ARFGEF1: variants seen among roughly 807,000 people sequenced by gnomAD.
The protein encoded by ARFGEF1 is ARF guanine nucleotide exchange factor 1, also known as brefeldin A-inhibited guanine nucleotide-exchange protein 1.
ARFGEF1 carries 42 observed loss-of-function variants against 231.0 expected under a neutral mutation model. The observed-to-expected ratio is 0.18, with a 90% CI of 0.14 to 0.24. The LOEUF is 0.24. ARFGEF1 is among the 10% of genes least tolerant of loss of function. The probability of loss-of-function intolerance (pLI) is 1.00; values close to 1 mark genes in which losing one functional copy is unlikely to be tolerated. For synonymous variants in ARFGEF1, 710 were observed against 732.3 expected, an observed-to-expected ratio of 0.97 and a Z score of 0.49; for missense variants, 1,345 against 2,192.0, an observed-to-expected ratio of 0.61 and a Z score of 7.72.
intron 18 of ARFGEF1, among the ~76,000 whole-genome samples, chr8:67,252,552 CTGT>C (rs1416594193): frequency 6.6e-6 from 1 of 152,116 alleles, no homozygotes; most frequent in Non-Finnish European, 1.5e-5. Context: ...CTACTGTACT[CTGT>C]TTAAACTTGA....
At chr8:67,310,732 G>T (rs1377783956) in intron 1 of ARFGEF1, among the ~76,000 whole-genome samples, 1 of 151,288 alleles carries the variant, frequency 6.6e-6, no homozygotes, top group Non-Finnish European at 1.5e-5. Flanking sequence ...TGTGAGGAGC[G>T]CCTCTGCCCG....
intron 27 of ARFGEF1, 46 bp downstream of exon 27, chr8:67,227,091 C>CT (rs375978872): frequency 0.028 from 28,976 of 1,048,224 alleles, 33 homozygotes; most frequent in African/African-American, 0.043. Context: ...GTTAAGGTTG[C>CT]TTTTTTTTTT....
At chr8:67,326,353 A>C (rs776752271) in intron 1 of ARFGEF1, among the ~76,000 whole-genome samples, 7 of 152,242 alleles carry the variant, frequency 4.6e-5, no homozygotes, top group Non-Finnish European at 7.3e-5. Context: ...ATGTAAACCG[A>C]AGTATCTGCA....
chr8:67,324,044 G>A (rs1056210207), intron 1 of ARFGEF1, among the ~76,000 whole-genome samples: 2 of 152,002 alleles, frequency 1.3e-5, no homozygotes, highest in East Asian at 1.9e-4. Context: ...CTTGTGAACC[G>A]CCCGCCTCGG....
rs1297199739 is a variant in ARFGEF1 at position 67,219,476 on chromosome 8, A to T, written c.4293T>A (p.Val1431=). ...ATTTCATATTGTCAAAGATTCTGAA[A>T]ACAATTCTAAATAAATCCTGCCACC... ...KHWWQDLFRI[V]FRIFDNMKLP... The change falls in exon 30 of 39, where the codon GTT becomes GTA. Residue 1431 remains valine, a synonymous_variant. Coordinates refer to ENST00000262215, the MANE Select transcript of ARFGEF1 (RefSeq NM_006421.5). The T allele has an allele frequency of 6.2e-7, 1 of 1,612,302 alleles. No individual in the cohort carries two copies. Among genetic ancestry groups the T allele is most frequent in the Non-Finnish European group, 8.5e-7 (1 of 1,179,278 alleles).
chr8:67,326,449 T>C lies in ARFGEF1; in HGVS notation c.124+16715A>G, dbSNP rs140456452. Among the ~76,000 whole-genome samples, 727 of 152,342 alleles carry C rather than the reference T, an allele frequency of 4.8e-3. 2 individuals carry two copies. Among genetic ancestry groups the C allele is most frequent in the Middle Eastern group, 0.024 (7 of 294 alleles). ...TTGAATTAGCTTTCCATACCTTTTC[T>C]GGATGTGTTGAGAAGGCCTAAATGG... On this transcript the variant is annotated intron_variant, in intron 1 of 38. Transcript: ENST00000262215.
intron 19 of ARFGEF1, among the ~76,000 whole-genome samples, chr8:67,246,979 A>C (rs1169703846): frequency 6.7e-6 from 1 of 150,210 alleles, no homozygotes; most frequent in Admixed American, 6.7e-5. Context: ...ACATGCCGGT[A>C]AACTGGAAAA....
intron 1 of ARFGEF1, among the ~76,000 whole-genome samples, chr8:67,317,608 T>TAAAA (rs1563912337): frequency 1.5e-5 from 2 of 134,888 alleles, no homozygotes; most frequent in African/African-American, 2.7e-5. Flanking sequence ...GAACTAATAT[T>TAAAA]TAAAAAAAAA....
chr8:67,252,191 G>C (rs1483875606), intron 18 of ARFGEF1, among the ~76,000 whole-genome samples: 1 of 145,652 alleles, frequency 6.9e-6, no homozygotes, highest in Non-Finnish European at 1.5e-5. Context: ...AGAATTGCTT[G>C]AACCCAGGAG....
At chr8:67,275,465 G>A (rs1805274467) in intron 9 of ARFGEF1, among the ~76,000 whole-genome samples, 1 of 152,080 alleles carries the variant, frequency 6.6e-6, no homozygotes, top group African/African-American at 2.4e-5. Context: ...CATTTTGTCA[G>A]ACCTTAATGA....
chr8:67,277,613 A>G (rs985205362), intron 7 of ARFGEF1, among the ~76,000 whole-genome samples, 156 bp from the exon 8 acceptor site: 7 of 152,226 alleles, frequency 4.6e-5, no homozygotes, highest in African/African-American at 1.4e-4. Context: ...TTACTACTAA[A>G]TAAGTATGCA....
intron 5 of ARFGEF1, among the ~76,000 whole-genome samples, chr8:67,181,077 G>A (rs768857572): frequency 5.3e-5 from 8 of 151,204 alleles, no homozygotes; most frequent in South Asian, 2.1e-4. Flanking sequence ...TTGCTCTGTC[G>A]CCCAGGCTGG....
intron 20 of ARFGEF1, 56 bp from the exon 21 acceptor site, chr8:67,238,949 T>C: frequency 7.4e-7 from 1 of 1,355,762 alleles, no homozygotes; most frequent in African/African-American, 1.4e-5. Context: ...GACTGATTAA[T>C]TCCCCACCAA....
At chr8:67,327,722 G>T (rs959754158) in intron 1 of ARFGEF1, among the ~76,000 whole-genome samples, 1 of 152,114 alleles carries the variant, frequency 6.6e-6, no homozygotes, top group Non-Finnish European at 1.5e-5. Context: ...AAATTTCCTT[G>T]TATTTGCAAC....
chr8:67,267,178 T>G lies in ARFGEF1; in HGVS notation c.1725A>C (p.Ala575=). ...TTACTAGTCTTTCAAATATATTGGC[T>G]GCATTTAAGTCACAGTCATAGTTTA... ...IYVNYDCDLN[A]ANIFERLVND... The change falls in exon 12 of 39, where the codon GCA becomes GCC. Residue 575 remains alanine, a synonymous_variant. Coordinates refer to ENST00000262215, the MANE Select transcript of ARFGEF1 (RefSeq NM_006421.5). 1 of 1,613,382 alleles carries G rather than the reference T, an allele frequency of 6.2e-7. No individual in the cohort carries two copies.
chr8:67,287,908 T>G (rs766770181), intron 7 of ARFGEF1, 47 bp downstream of exon 7: 6 of 1,313,724 alleles, frequency 4.6e-6, no homozygotes, highest in African/African-American at 3.1e-5. Context: ...CACAGTCAGA[T>G]GAAATCCCAT....
chr8:67,223,821 G>C (rs962187786), intron 29 of ARFGEF1, among the ~76,000 whole-genome samples: 6 of 152,102 alleles, frequency 3.9e-5, no homozygotes, highest in African/African-American at 1.4e-4. Context: ...CACTGAGGCA[G>C]GTGGACAGCT....
chr8:67,281,809 A>T (rs977814488), intron 7 of ARFGEF1, among the ~76,000 whole-genome samples: 1 of 152,084 alleles, frequency 6.6e-6, no homozygotes, highest in Non-Finnish European at 1.5e-5. Context: ...AGAAGAAAGG[A>T]CTCAACCAAA....
At chr8:67,194,808 TAAAG>T (rs1188238008), downstream of ARFGEF1, among the ~76,000 whole-genome samples, 1 of 152,114 alleles carries the variant, frequency 6.6e-6, no homozygotes, top group Admixed American at 6.5e-5. Flanking sequence ...CAGATTCAAT[TAAAG>T]AATGAAGCAA....
Sources: allele counts gnomAD v4.1 joint callset (sites outside exome capture counted in the v4.1 genomes callset), GRCh38; gene constraint gnomAD v4.1.1; transcripts MANE v1.5; gene names NCBI Gene and HGNC (gene_info 2026-07-23, HGNC 2026-07-21).